The following EPHA4 variants were observed in gnomAD, a reference collection of about 807,000 sequenced individuals.
EPHA4 encodes ephrin type-A receptor 4.
Under a neutral mutation model 108.3 loss-of-function variants are expected in EPHA4, and 19 were observed. The observed-to-expected ratio is 0.18, with a 90% CI of 0.12 to 0.26. EPHA4 has a LOEUF of 0.26. EPHA4 is among the 10% of genes least tolerant of loss of function. EPHA4 has a pLI of 1.00. For missense variants in EPHA4, 917 were observed against 1,254.0 expected (o/e 0.73, Z 4.06); for synonymous variants, 449 against 455.5 (o/e 0.99, Z 0.18).
chr2:221,452,898 C>T (rs538848982), intron 8 of EPHA4, among the ~76,000 whole-genome samples: 28 of 152,226 alleles, frequency 1.8e-4, no homozygotes, highest in South Asian at 1.7e-3. Context: ...TGCTATTTTC[C>T]GTAGTCACGG....
chr2:221,551,913 A>G (rs1234788773), intron 3 of EPHA4, among the ~76,000 whole-genome samples: 1 of 151,990 alleles, frequency 6.6e-6, no homozygotes, highest in African/African-American at 2.4e-5. Context: ...TCTAGGATAC[A>G]AGCAGAGAGG....
At chr2:221,433,923 T>C (rs1210459524) in intron 14 of EPHA4, among the ~76,000 whole-genome samples, 38 of 152,244 alleles carry the variant, frequency 2.5e-4, no homozygotes, top group Admixed American at 2.5e-3. Context: ...TGTGCGTATG[T>C]ATCTATCTCC....
intron 8 of EPHA4, among the ~76,000 whole-genome samples, chr2:221,447,482 G>A (rs1391628150): frequency 6.6e-6 from 1 of 152,122 alleles, no homozygotes; most frequent in East Asian, 1.9e-4. Flanking sequence ...GAGAGGCAGC[G>A]GATCCCGGTC....
intron 17 of EPHA4, among the ~76,000 whole-genome samples, chr2:221,422,447 C>CA (rs1483507633): frequency 6.6e-6 from 1 of 152,162 alleles, no homozygotes; most frequent in Admixed American, 6.5e-5. Context: ...TTCAGTCTGC[C>CA]AATTCCTTCT....
intron 10 of EPHA4, 21 bp downstream of exon 10, chr2:221,443,472 G>A: frequency 1.3e-6 from 2 of 1,555,350 alleles, no homozygotes; most frequent in South Asian, 2.2e-5. Context: ...CTCATTAGCA[G>A]ACGGACACTC....
intron 3 of EPHA4, among the ~76,000 whole-genome samples, chr2:221,551,522 C>T (rs936812393): frequency 6.6e-6 from 1 of 152,056 alleles, no homozygotes; most frequent in Non-Finnish European, 1.5e-5. Flanking sequence ...TCTAACAATG[C>T]TTTTTAAAAA....
At chr2:221,527,698 C>G (rs1209416882) in intron 3 of EPHA4, among the ~76,000 whole-genome samples, 1 of 152,196 alleles carries the variant, frequency 6.6e-6, no homozygotes, top group Admixed American at 6.5e-5. Flanking sequence ...TAACATTGGC[C>G]TGGATCAGTT....
intron 3 of EPHA4, among the ~76,000 whole-genome samples, chr2:221,526,431 C>G (rs575069390): frequency 6.6e-6 from 1 of 152,042 alleles, no homozygotes; most frequent in South Asian, 2.1e-4. Flanking sequence ...ACGTGTGCCT[C>G]GAAGGTTGCA....
chr2:221,500,928 T>C (rs1692467831), intron 4 of EPHA4, 89 bp downstream of exon 4: 1 of 1,346,316 alleles, frequency 7.4e-7, no homozygotes, highest in African/African-American at 1.5e-5. Context: ...CCCTGAATGA[T>C]TATCCCAGGA....
chr2:221,535,394 C>T lies in EPHA4; in HGVS notation c.823+28337G>A, dbSNP rs765626618. The stretch of plus-strand genomic sequence containing the variant: ...ATCAGACAGAAAAGCTCAGAAAGCA[C>T]TTACCTTCCACTAAGTTATCTTATG... On this transcript the variant is annotated intron_variant, in intron 3 of 17. Transcript: ENST00000281821. 1.2e-3 allele frequency among the ~76,000 whole-genome samples: 185 copies of T among 152,290 alleles called. 1 individual carries two copies. Among genetic ancestry groups the T allele is most frequent in the Middle Eastern group, 3.4e-3 (1 of 294 alleles).
At position 221,443,597 on chromosome 2, in the gene EPHA4, G is replaced by A. The variant is rs772225365; in HGVS notation, c.1784C>T (p.Thr595Ile). The change falls in exon 10 of 18, where the codon ACA (threonine) becomes ATA (isoleucine). Residue 595 changes from threonine to isoleucine, a missense_variant. Coordinates refer to ENST00000281821, the MANE Select transcript of EPHA4 (RefSeq NM_004438.5). ...TTCGTACGTAAAGGGGTCCACATAT[G>A]TTCTTACACCTGAGTGATAAACATG... ...EEKHLNQGVR[T>I]YVDPFTYEDP... The A allele has an allele frequency of 1.2e-6, 2 of 1,612,940 alleles. No homozygotes were observed. Among genetic ancestry groups the A allele is most frequent in the South Asian group, 1.1e-5 (1 of 90,996 alleles).
In EPHA4 at chr2:221,482,610, T is replaced by C; in HGVS notation, c.1060A>G (p.Thr354Ala). The C allele has an allele frequency of 1.2e-6, 2 of 1,613,942 alleles. No homozygotes were observed. Among genetic ancestry groups the C allele is most frequent in the Non-Finnish European group, 1.7e-6 (2 of 1,179,842 alleles). The change falls in exon 5 of 18, where the codon ACA (threonine) becomes GCA (alanine). Residue 354 changes from threonine to alanine, a missense_variant. Thr to Ala is a moderately conservative substitution (Grantham distance 58). Transcript: ENST00000281821. ...TAGGAAATGTCCTGGCGGCCACCTG[T>C]ATTCTGAGGGCTACTCCATTCCAAG... Reference protein sequence around the residue: ...VNLEWSSPQNTGGRQDISYNV... With the variant: ...VNLEWSSPQNAGGRQDISYNV...
chr2:221,502,645 G>C (rs1052205508), intron 3 of EPHA4: 1 of 468,700 alleles, frequency 2.1e-6, no homozygotes, highest in Non-Finnish European at 4.4e-6. Flanking sequence ...GCTGAAGTCT[G>C]TTCCACCCAC....
At chr2:221,473,065 G>A (rs550486681) in intron 5 of EPHA4, among the ~76,000 whole-genome samples, 9 of 152,268 alleles carry the variant, frequency 5.9e-5, no homozygotes, top group Non-Finnish European at 7.3e-5. Flanking sequence ...TCCCAATGAG[G>A]AAGCCAAGGG....
chr2:221,571,414 G>A lies in EPHA4; in HGVS notation c.91+744C>T, dbSNP rs745725523. On this transcript the variant is annotated intron_variant, in intron 1 of 17. Coordinates refer to ENST00000281821, the MANE Select transcript of EPHA4 (RefSeq NM_004438.5). This position sits in a 1 kb window ranked among gnomAD's most constrained non-coding sequence, Gnocchi z 6.3. ...TGCACAGAAAACTGAGCACCCAGAC[G>A]GGTCCCGTCGACCCCGCACGTTAGC... 2.0e-5 allele frequency among the ~76,000 whole-genome samples: 3 copies of A among 147,772 alleles called. No homozygotes were observed. The highest frequency in any genetic ancestry group is 4.5e-5 in the Non-Finnish European group (3 of 67,078).
intron 3 of EPHA4, among the ~76,000 whole-genome samples, chr2:221,556,951 T>A (rs10932918): frequency 0.099 from 15,121 of 152,156 alleles, 1,141 homozygotes; most frequent in East Asian, 0.37. Flanking sequence ...CTATTGAGGG[T>A]CTTGGAACAT....
At chr2:221,460,290 T>TAAATGA (rs1291974336) in intron 5 of EPHA4, among the ~76,000 whole-genome samples, 1 of 152,092 alleles carries the variant, frequency 6.6e-6, no homozygotes, top group Non-Finnish European at 1.5e-5. Context: ...AACGAAGGAT[T>TAAATGA]AAATGAAAAT....
intron 8 of EPHA4, among the ~76,000 whole-genome samples, chr2:221,450,075 C>G (rs1019313126): frequency 1.5e-4 from 23 of 152,220 alleles, no homozygotes; most frequent in African/African-American, 5.5e-4. Context: ...CATCTGCCCC[C>G]ACTTGTGTGA....
At chr2:221,469,548 G>A (rs1231602403) in intron 5 of EPHA4, among the ~76,000 whole-genome samples, 1 of 152,098 alleles carries the variant, frequency 6.6e-6, no homozygotes, top group African/African-American at 2.4e-5. Context: ...GCCAGCTCAA[G>A]GGGCTGAATT....
Sources: gnomAD v4.1 joint callset for allele counts (sites outside exome capture counted in the v4.1 genomes callset) on GRCh38, gnomAD v4.1.1 for gene constraint, Gnocchi (gnomAD v3.1) non-coding constraint, MANE v1.5 for transcripts, NCBI Gene and HGNC (gene_info 2026-07-23, HGNC 2026-07-21) for gene names.